The following INPP4B variants were observed in gnomAD, a reference collection of about 807,000 sequenced individuals.
INPP4B encodes the protein inositol polyphosphate-4-phosphatase type II B.
INPP4B carries 55 observed loss-of-function variants against 122.5 expected under a neutral mutation model. The observed-to-expected ratio is 0.45, with a 90% CI of 0.36 to 0.56. The LOEUF (loss-of-function observed/expected upper bound fraction) is 0.56. INPP4B is among the 20% of genes least tolerant of loss of function. INPP4B has a pLI of 0.00. For synonymous variants in INPP4B, 403 were observed against 388.7 expected (o/e 1.04, Z -0.43); for missense variants, 1,000 against 1,097.7 (o/e 0.91, Z 1.26).
chr4:142,527,384 C>T (rs1055061508), intron 2 of INPP4B, among the ~76,000 whole-genome samples: 3 of 151,716 alleles, frequency 2.0e-5, no homozygotes, highest in Admixed American at 6.6e-5. Flanking sequence ...ATACCAAAAA[C>T]ATATTTACAA....
At chr4:142,806,491 C>T (rs1271836110) in intron 1 of INPP4B, among the ~76,000 whole-genome samples, 1 of 151,762 alleles carries the variant, frequency 6.6e-6, no homozygotes, top group Non-Finnish European at 1.5e-5. Flanking sequence ...CCTATAATCC[C>T]AGCACTTTGG....
intron 7 of INPP4B, among the ~76,000 whole-genome samples, chr4:142,332,011 A>G (rs1292210650): frequency 6.6e-6 from 1 of 152,208 alleles, no homozygotes; most frequent in Non-Finnish European, 1.5e-5. Context: ...CTAAACTTGG[A>G]AAATCATCCA....
chr4:142,082,604 T>G (rs1428653347), intron 24 of INPP4B, among the ~76,000 whole-genome samples: 1 of 152,208 alleles, frequency 6.6e-6, no homozygotes, highest in Non-Finnish European at 1.5e-5. Flanking sequence ...AACAATTGAT[T>G]CAAATCGTAT....
intron 2 of INPP4B, among the ~76,000 whole-genome samples, chr4:142,680,320 T>C (rs1758437477): frequency 1.3e-5 from 2 of 151,894 alleles, no homozygotes; most frequent in South Asian, 2.1e-4. Flanking sequence ...CAAAATTACC[T>C]ACACCGTGCC....
chr4:142,436,591 C>A (rs1387901384), intron 3 of INPP4B, among the ~76,000 whole-genome samples: 1 of 152,170 alleles, frequency 6.6e-6, no homozygotes, highest in East Asian at 1.9e-4. Context: ...CCTCAAGTGA[C>A]ATCTCCAGTT....
At chr4:142,281,541 T>C (rs1265708532) in intron 9 of INPP4B, among the ~76,000 whole-genome samples, 1 of 151,986 alleles carries the variant, frequency 6.6e-6, no homozygotes, top group Non-Finnish European at 1.5e-5. Flanking sequence ...GAATTATATA[T>C]AGAGAATTTG....
At chr4:142,737,775 A>C (rs1767195060) in intron 1 of INPP4B, among the ~76,000 whole-genome samples, 1 of 152,218 alleles carries the variant, frequency 6.6e-6, no homozygotes. Flanking sequence ...AGAAAAAAAC[A>C]ACCCCATCAA....
intron 7 of INPP4B, among the ~76,000 whole-genome samples, chr4:142,339,436 A>T (rs1777932093): frequency 6.6e-6 from 1 of 152,214 alleles, no homozygotes; most frequent in Non-Finnish European, 1.5e-5. Context: ...AGAGAATATA[A>T]TCAGGAAGTA....
intron 2 of INPP4B, among the ~76,000 whole-genome samples, chr4:142,477,086 T>C (rs1819884963): frequency 6.6e-6 from 1 of 152,098 alleles, no homozygotes; most frequent in South Asian, 2.1e-4. Context: ...AGTGAAATCA[T>C]ACCAAACACA....
At chr4:142,257,673 G>C (rs1391929442) in intron 11 of INPP4B, among the ~76,000 whole-genome samples, 2 of 152,158 alleles carry the variant, frequency 1.3e-5, no homozygotes, top group Non-Finnish European at 2.9e-5. Context: ...TCTTCAAGGA[G>C]AACTACAAAC....
chr4:142,241,175 G>A (rs1859194875), intron 11 of INPP4B, among the ~76,000 whole-genome samples: 1 of 151,966 alleles, frequency 6.6e-6, no homozygotes, highest in African/African-American at 2.4e-5. Flanking sequence ...CAATAACTAT[G>A]TAATACCTAT....
chr4:142,431,247 C>T lies in INPP4B; in HGVS notation c.13G>A (p.Glu5Lys). The change falls in exon 4 of 26, where the codon GAG becomes AAG. Residue 5 changes from glutamate to lysine, a missense_variant. Glu to Lys is a moderately conservative substitution (Grantham distance 56, BLOSUM62 1). Coordinates refer to ENST00000262992, the MANE Select transcript of INPP4B (RefSeq NM_001101669.3). MEIK[E>K]EGASEEGQHF... ...TGCCCTTCTTCTGATGCCCCTTCCTCTTTAATTTCCATGATCAACCTTCAC... is the reference window on the plus strand; with the variant it reads ...TGCCCTTCTTCTGATGCCCCTTCCTTTTTAATTTCCATGATCAACCTTCAC... The T allele has an allele frequency of 1.2e-6, 2 of 1,613,026 alleles. No homozygotes were observed. Among genetic ancestry groups the T allele is most frequent in the Non-Finnish European group, 1.7e-6 (2 of 1,179,196 alleles).
At chr4:142,371,827 G>A (rs1790026907) in intron 7 of INPP4B, among the ~76,000 whole-genome samples, 1 of 151,698 alleles carries the variant, frequency 6.6e-6, no homozygotes, top group Admixed American at 6.6e-5. Flanking sequence ...TATACACTAT[G>A]GTGGGAATAT....
chr4:142,393,188 C>A (rs986214834), intron 7 of INPP4B, among the ~76,000 whole-genome samples: 1 of 151,838 alleles, frequency 6.6e-6, no homozygotes, highest in South Asian at 2.1e-4. Flanking sequence ...GTGCCAAGGC[C>A]CTGAGTTTTG....
At chr4:142,130,989 A>G (rs532356066) in intron 18 of INPP4B, among the ~76,000 whole-genome samples, 53 of 152,352 alleles carry the variant, frequency 3.5e-4, no homozygotes, top group Admixed American at 2.7e-3. Flanking sequence ...TTGAAAGCCT[A>G]AAGTAAATTC....
intron 1 of INPP4B, among the ~76,000 whole-genome samples, chr4:142,802,593 C>T (rs1344595699): frequency 6.6e-6 from 1 of 152,032 alleles, no homozygotes; most frequent in African/African-American, 2.4e-5. Context: ...GTTAAGAATC[C>T]TATTTTTTGA....
chr4:142,764,781 G>A (rs889155350), intron 1 of INPP4B, among the ~76,000 whole-genome samples: 1 of 151,918 alleles, frequency 6.6e-6, no homozygotes, highest in Non-Finnish European at 1.5e-5. Context: ...TAACAGGAGG[G>A]TCTAGCATGT....
chr4:142,191,065 C>G (rs571822523), intron 15 of INPP4B, among the ~76,000 whole-genome samples: 4 of 152,124 alleles, frequency 2.6e-5, no homozygotes, highest in African/African-American at 9.6e-5. Flanking sequence ...CAGTTCCAGA[C>G]AAGATGAAGT....
intron 2 of INPP4B, among the ~76,000 whole-genome samples, chr4:142,704,323 A>G (rs533294590): frequency 6.6e-6 from 1 of 152,350 alleles, no homozygotes; most frequent in African/African-American, 2.4e-5. Flanking sequence ...TTCTGCCACA[A>G]GAATTTACTA....
Sources: gnomAD v4.1 joint callset for allele counts (sites outside exome capture counted in the v4.1 genomes callset) on GRCh38, gnomAD v4.1.1 for gene constraint, MANE v1.5 for transcripts, NCBI Gene and HGNC (gene_info 2026-07-23, HGNC 2026-07-21) for gene names.